ZBTB20: variants seen among roughly 807,000 people sequenced by gnomAD.
ZBTB20 encodes zinc finger and BTB domain containing 20, also known as zinc finger and BTB domain-containing protein 20.
ZBTB20 carries 9 observed loss-of-function variants against 56.9 expected under a neutral mutation model. That is an observed-to-expected ratio of 0.16 (90% CI 0.10 to 0.28). The LOEUF is 0.28. Among genes scored for constraint, ZBTB20 ranks in the 10% least tolerant of loss-of-function variants. The probability of loss-of-function intolerance (pLI) is 1.00; values close to 1 mark genes in which losing one functional copy is unlikely to be tolerated. For synonymous variants in ZBTB20, 417 were observed against 420.7 expected (o/e 0.99, Z 0.11); for missense variants, 655 against 1,003.0 (o/e 0.65, Z 4.69).
intron 4 of ZBTB20, among the ~76,000 whole-genome samples, chr3:114,834,310 T>C (rs567309597): frequency 1.4e-4 from 22 of 152,154 alleles, no homozygotes; most frequent in Non-Finnish European, 2.6e-4. Flanking sequence ...AGGAAACTTA[T>C]GACAAAACCA....
intron 2 of ZBTB20, among the ~76,000 whole-genome samples, chr3:115,058,686 C>A (rs113149766): frequency 6.6e-6 from 1 of 152,116 alleles, no homozygotes; most frequent in African/African-American, 2.4e-5. Context: ...CCACGATGTG[C>A]CACTGCACTC....
intron 3 of ZBTB20, among the ~76,000 whole-genome samples, chr3:114,906,767 T>C (rs1262434568): frequency 6.6e-6 from 1 of 151,366 alleles, no homozygotes; most frequent in African/African-American, 2.4e-5. Context: ...ACATTTTAGG[T>C]AGGAAAACAT....
rs189248578 is a variant in ZBTB20 at position 114,588,274 on chromosome 3, C to T, written c.-294-87883G>A. On this transcript the variant is annotated intron_variant, in intron 6 of 11. Transcript: ENST00000675478. ...TTGTTTCTCTTTAATGATAGCTTTG[C>T]CATGAGTCCCATTCGTATGTAACTC... Among the ~76,000 whole-genome samples the T allele has an allele frequency of 1.1e-4, 17 of 152,268 alleles. No individual in the cohort carries two copies. The East Asian group carries it at 1.9e-3, about 17-fold the overall frequency.
chr3:114,404,436 A>G (rs577186872), intron 7 of ZBTB20, among the ~76,000 whole-genome samples: 2 of 152,298 alleles, frequency 1.3e-5, no homozygotes, highest in East Asian at 3.9e-4. Flanking sequence ...CTCTGTTTGA[A>G]TAATTTACTT....
At chr3:114,813,423 C>T (rs2072697646) in intron 4 of ZBTB20, among the ~76,000 whole-genome samples, 1 of 152,064 alleles carries the variant, frequency 6.6e-6, no homozygotes, top group African/African-American at 2.4e-5. Flanking sequence ...CAACCCTGTC[C>T]CAACTTCATT....
chr3:114,977,444 T>A (rs1380150769), intron 2 of ZBTB20, among the ~76,000 whole-genome samples: 1 of 152,192 alleles, frequency 6.6e-6, no homozygotes, highest in East Asian at 1.9e-4. Context: ...CAAGGTAGGT[T>A]CTTTCCAAAG....
At chr3:114,646,322 A>T (rs2059834797) in intron 6 of ZBTB20, among the ~76,000 whole-genome samples, 2 of 152,006 alleles carry the variant, frequency 1.3e-5, no homozygotes, top group South Asian at 4.2e-4. Flanking sequence ...CCTAGTTTAC[A>T]GAGAACGAAA....
chr3:115,052,903 C>T (rs2081606499), intron 2 of ZBTB20, among the ~76,000 whole-genome samples: 1 of 152,098 alleles, frequency 6.6e-6, no homozygotes, highest in Admixed American at 6.5e-5. Context: ...TAATAATTTT[C>T]ATTCTTTAAT....
At chr3:114,940,497 T>C (rs2076690715) in intron 3 of ZBTB20, among the ~76,000 whole-genome samples, 1 of 145,784 alleles carries the variant, frequency 6.9e-6, no homozygotes, top group Admixed American at 6.6e-5. Context: ...ATTGCTGTCA[T>C]GCACCCTAAT....
At chr3:115,039,664 C>G (rs958960614) in intron 2 of ZBTB20, among the ~76,000 whole-genome samples, 1 of 152,052 alleles carries the variant, frequency 6.6e-6, no homozygotes, top group African/African-American at 2.4e-5. Flanking sequence ...TATCAACCTA[C>G]AAGTGTCTGA....
At chr3:114,565,242 G>A (rs2052578249) in intron 6 of ZBTB20, among the ~76,000 whole-genome samples, 1 of 152,140 alleles carries the variant, frequency 6.6e-6, no homozygotes, top group Non-Finnish European at 1.5e-5. Flanking sequence ...TTCTGATCAA[G>A]ACGGTGAAAT....
At chr3:114,676,314 C>A (rs577698787) in intron 6 of ZBTB20, among the ~76,000 whole-genome samples, 7 of 152,226 alleles carry the variant, frequency 4.6e-5, no homozygotes, top group Non-Finnish European at 1.0e-4. Flanking sequence ...TAGTGCTTAA[C>A]TTTTCTGTGC....
chr3:114,939,823 G>A (rs2076667332), intron 3 of ZBTB20, among the ~76,000 whole-genome samples: 1 of 146,088 alleles, frequency 6.8e-6, no homozygotes, highest in Non-Finnish European at 1.5e-5. Flanking sequence ...AGTGATTATT[G>A]TGCCGCTGCA....
intron 1 of ZBTB20, among the ~76,000 whole-genome samples, chr3:115,073,840 A>G (rs1024982361): frequency 2.6e-5 from 4 of 152,074 alleles, no homozygotes; most frequent in African/African-American, 7.2e-5. Context: ...TAGTAAACTA[A>G]ATAAATCCCT....
At chr3:115,145,299 A>C (rs2084930529) in intron 1 of ZBTB20, among the ~76,000 whole-genome samples, 1 of 152,236 alleles carries the variant, frequency 6.6e-6, no homozygotes, top group African/African-American at 2.4e-5. Context: ...TTAAAGCAAA[A>C]AAGCAAAAAG....
intron 2 of ZBTB20, among the ~76,000 whole-genome samples, chr3:115,008,270 G>A (rs1489324034): frequency 2.0e-5 from 3 of 151,798 alleles, no homozygotes; most frequent in East Asian, 2.0e-4. Flanking sequence ...TGTTATTCCC[G>A]TCTCTTTTAA....
At chr3:114,934,725 C>T (rs6776797) in intron 3 of ZBTB20, among the ~76,000 whole-genome samples, 10 of 151,794 alleles carry the variant, frequency 6.6e-5, no homozygotes, top group Admixed American at 4.6e-4. Flanking sequence ...AAAAATAACA[C>T]GTCAAAATGC....
intron 7 of ZBTB20, among the ~76,000 whole-genome samples, chr3:114,390,199 C>CA (rs539385477): frequency 2.9e-4 from 44 of 151,742 alleles, no homozygotes; most frequent in Admixed American, 1.8e-3. Context: ...TTTTCTAGTA[C>CA]AAAAAAAAGC....
chr3:114,755,621 AC>A (rs2067954563), intron 5 of ZBTB20, among the ~76,000 whole-genome samples: 2 of 151,928 alleles, frequency 1.3e-5, no homozygotes, highest in African/African-American at 4.8e-5. Flanking sequence ...CCTACTTTCC[AC>A]ACATTTTTAG....
Sources: gnomAD v4.1 joint callset for allele counts (sites outside exome capture counted in the v4.1 genomes callset) on GRCh38, gnomAD v4.1.1 for gene constraint, MANE v1.5 for transcripts, NCBI Gene and HGNC (gene_info 2026-07-23, HGNC 2026-07-21) for gene names.